SPEN: variants seen among roughly 807,000 people sequenced by gnomAD.
The protein encoded by SPEN is msx2-interacting protein.
A neutral mutation model predicts 269.9 loss-of-function variants in SPEN; 18 were observed. The ratio of observed to expected loss-of-function variants is 0.07; its 90% confidence interval spans 0.05 to 0.10. SPEN has a LOEUF of 0.10. Among genes scored for constraint, SPEN ranks in the 10% least tolerant of loss-of-function variants. The pLI is 1.00. For synonymous variants in SPEN, 1,726 were observed against 1,765.7 expected, an observed-to-expected ratio of 0.98 and a Z score of 0.56; for missense variants, 3,822 against 4,631.2, an observed-to-expected ratio of 0.83 and a Z score of 5.07.
chr1:15,903,111 G>A (rs548972368), intron 3 of SPEN, among the ~76,000 whole-genome samples: 1 of 152,270 alleles, frequency 6.6e-6, no homozygotes, highest in East Asian at 1.9e-4. Context: ...CAGTGCCTTG[G>A]CATTTTCAGT....
At chr1:15,921,551 A>T (rs1305844478) in intron 9 of SPEN, among the ~76,000 whole-genome samples, 1 of 152,178 alleles carries the variant, frequency 6.6e-6, no homozygotes, top group Admixed American at 6.5e-5. Context: ...TCGGGTGCTG[A>T]TGCTCACACA....
rs1392141313 is a variant in SPEN at position 15,933,495 on chromosome 1, G to A, written c.7255G>A (p.Glu2419Lys). ...ENSSQEISVE[E>K]RTPTKASVPP... ...TTCGTCCCAAGAAATCAGTGTTGAG[G>A]AAAGGACTCCAACCAAAGCATCTGT... is the stretch of plus-strand genomic sequence containing the variant. The change falls in exon 11 of 15, where the codon GAA becomes AAA. Residue 2419 changes from glutamate (E) to lysine (K), a missense_variant. Physicochemically the swap from Glu to Lys is moderately conservative, Grantham distance 56. Transcript: ENST00000375759. The surrounding 1 kb of genome is among the most constrained non-coding windows in gnomAD (Gnocchi z 5.7). The A allele has an allele frequency of 1.2e-6, 2 of 1,614,018 alleles. No individual in the cohort carries two copies. Among genetic ancestry groups the A allele is most frequent in the East Asian group, 2.2e-5 (1 of 44,870 alleles).
At chr1:15,914,072 T>C (rs911546135) in intron 5 of SPEN, among the ~76,000 whole-genome samples, 2 of 152,236 alleles carry the variant, frequency 1.3e-5, no homozygotes, top group Non-Finnish European at 2.9e-5. Flanking sequence ...AAATGAGATA[T>C]GTTCCTTTGA....
Position 15,930,782 on chromosome 1 carries a change from C to T in SPEN, c.4542C>T (p.Asp1514=). Residue 1514 remains aspartate (D), a synonymous_variant, in exon 11 of 15, where the codon GAC becomes GAT. Transcript: ENST00000375759. This position sits in a 1 kb window ranked among gnomAD's most constrained non-coding sequence, Gnocchi z 5.3. Reference sequence around the variant, plus strand: ...GGAAAATGGATGATAAGAAAGAGGACCATAAAGAAGAAGAGCAAGAGAGGC... The same window carrying T: ...GGAAAATGGATGATAAGAAAGAGGATCATAAAGAAGAAGAGCAAGAGAGGC... ...SEGKMDDKKE[D]HKEEEQERQE... The T allele has an allele frequency of 2.5e-6, 4 of 1,614,046 alleles. No homozygotes were observed. Among genetic ancestry groups the T allele is most frequent in the Non-Finnish European group, 3.4e-6 (4 of 1,180,010 alleles).
In SPEN at chr1:15,939,602, G is replaced by A; in HGVS notation, c.*175G>A. 1 of 670,096 alleles carries A rather than the reference G, an allele frequency of 1.5e-6. No homozygotes were observed. Among genetic ancestry groups the A allele is most frequent in the Non-Finnish European group, 2.3e-6 (1 of 430,530 alleles). 41.5% of individuals were successfully genotyped at this position (670,096 alleles called of 1,614,324 possible). ...GTCGGCCAGACTTCCTCTAGGAGTG[G>A]TGCTGCTACCTTGTATGTTTACATA... is the stretch of plus-strand genomic sequence containing the variant. On this transcript the variant is annotated 3_prime_UTR_variant, in exon 15 of 15. Coordinates refer to ENST00000375759, the MANE Select transcript of SPEN (RefSeq NM_015001.3). The surrounding 1 kb of genome is among the most constrained non-coding windows in gnomAD (Gnocchi z 4.1).
Position 15,876,487 on chromosome 1 carries a change from C to T in SPEN, c.690C>T (p.Gly230=). 6.2e-7 allele frequency: 1 copy of T among 1,614,086 alleles called. No individual in the cohort carries two copies. The highest frequency in any genetic ancestry group is 1.1e-5 in the South Asian group (1 of 91,064). Residue 230 remains glycine, a synonymous_variant, in exon 3 of 15, where the codon GGC becomes GGT. Transcript: ENST00000375759. ...YRDDITREVR[G]RRPERNYQHS... is the part of the protein sequence containing the mutation. ...ATGATATTACCCGGGAGGTACGAGG[C>T]AGAAGGCCAGAGCGGAATTACCAGC... is the stretch of plus-strand genomic sequence containing the variant.
intron 1 of SPEN, among the ~76,000 whole-genome samples, chr1:15,860,559 T>G (rs570237245): frequency 1.1e-4 from 16 of 151,504 alleles, no homozygotes; most frequent in African/African-American, 3.6e-4. Context: ...CCCGAAGTGC[T>G]GGGATTACAG....
In SPEN at chr1:15,931,283, A is replaced by G. The variant is rs2148739898; in HGVS notation, c.5043A>G (p.Glu1681=). 6.2e-7 allele frequency: 1 copy of G among 1,614,204 alleles called. No homozygotes were observed. The highest frequency in any genetic ancestry group is 1.3e-5 in the African/African-American group (1 of 75,038). Residue 1681 remains glutamate (E), a synonymous_variant, in exon 11 of 15, where the codon GAA becomes GAG. Transcript: ENST00000375759. The surrounding 1 kb of genome is among the most constrained non-coding windows in gnomAD (Gnocchi z 4.8). ...CTGTGGAGCCAGCTACCGTCTCAGA[A>G]GAAGCAAAGCCTGCATCTGAACCTG... ...EKTVEPATVS[E]EAKPASEPAP... is the part of the protein sequence containing the mutation.
At chr1:15,883,122 T>C (rs2070703264) in intron 3 of SPEN, among the ~76,000 whole-genome samples, 1 of 152,240 alleles carries the variant, frequency 6.6e-6, no homozygotes, top group African/African-American at 2.4e-5. Flanking sequence ...AAAAAATGTA[T>C]TTCTCACATT....
intron 3 of SPEN, among the ~76,000 whole-genome samples, chr1:15,882,211 A>T (rs904562039): frequency 6.6e-6 from 1 of 152,144 alleles, no homozygotes; most frequent in Non-Finnish European, 1.5e-5. Context: ...TTTCTCTGTC[A>T]TGGCCGTTTA....
chr1:15,859,358 C>CTTTTTTTTTTTTTTTTTT (rs143092339), intron 1 of SPEN, among the ~76,000 whole-genome samples: 3 of 115,590 alleles, frequency 2.6e-5, no homozygotes, highest in Non-Finnish European at 3.4e-5. Flanking sequence ...TTTTTCTTTT[C>CTTTTTTTTTTTTTTTTTT]TTTTTTTTTT....
chr1:15,922,233 C>T lies in SPEN; in HGVS notation c.1750-16C>T, dbSNP rs747390250. On this transcript the variant is annotated splice_polypyrimidine_tract_variant and intron_variant, in intron 9 of 14. Transcript: ENST00000375759. The stretch of plus-strand genomic sequence containing the variant: ...AATTTGAAACTTGCATCAAACACCT[C>T]TTTTTTTTTTTAAAGGTGGATTTTG... 5.3e-5 allele frequency: 64 copies of T among 1,203,068 alleles called. No homozygotes were observed. Among genetic ancestry groups the T allele is most frequent in the Admixed American group, 2.1e-4 (9 of 42,728 alleles). The allele number at this position is 1,203,068 out of a possible 1,614,324, so 74.5% of individuals were successfully genotyped here. A position where few individuals can be genotyped will look rare whatever the true frequency, so the allele number is the denominator to read the frequency against.
intron 10 of SPEN, among the ~76,000 whole-genome samples, chr1:15,922,692 G>A (rs569899620): frequency 1.3e-5 from 2 of 152,112 alleles, no homozygotes; most frequent in Admixed American, 1.3e-4. Flanking sequence ...GCATGATCAT[G>A]GCTCACTGCA....
chr1:15,922,015 C>T (rs750859675), intron 9 of SPEN, among the ~76,000 whole-genome samples: 57 of 152,300 alleles, frequency 3.7e-4, no homozygotes, highest in Non-Finnish European at 6.5e-4. Flanking sequence ...TTCACTCCTT[C>T]ACAATTGGGT....
In SPEN at chr1:15,939,993, T is replaced by A. The variant is rs1004104720; in HGVS notation, c.*566T>A. 4 of 231,642 alleles carry A rather than the reference T, an allele frequency of 1.7e-5. No homozygotes were observed. In the Admixed American group the frequency reaches 2.3e-4, roughly 13 times the overall value. 14.3% of individuals were successfully genotyped at this position (231,642 alleles called of 1,614,324 possible). A position where few individuals can be genotyped will look rare whatever the true frequency, so the allele number is the denominator to read the frequency against. On this transcript the variant is annotated 3_prime_UTR_variant, in exon 15 of 15. Transcript: ENST00000375759. This position sits in a 1 kb window ranked among gnomAD's most constrained non-coding sequence, Gnocchi z 4.1. The stretch of plus-strand genomic sequence containing the variant: ...GGATGCGTCACCTTAATTCTCCTGC[T>A]GCCACCGTCTTTGATTCACCGGGAT...
At chr1:15,856,397 T>G (rs960190608) in intron 1 of SPEN, among the ~76,000 whole-genome samples, 1 of 152,088 alleles carries the variant, frequency 6.6e-6, no homozygotes. Context: ...TACTGGGATC[T>G]AATATTTCCT....
intron 1 of SPEN, among the ~76,000 whole-genome samples, chr1:15,862,403 G>T (rs1043485228): frequency 4.6e-5 from 7 of 152,124 alleles, no homozygotes; most frequent in Non-Finnish European, 1.0e-4. Flanking sequence ...AATGGTCATC[G>T]TGATTATTTA....
At chr1:15,895,429 T>C (rs1210539123) in intron 3 of SPEN, among the ~76,000 whole-genome samples, 1 of 152,186 alleles carries the variant, frequency 6.6e-6, no homozygotes, top group Non-Finnish European at 1.5e-5. Flanking sequence ...ATTTGTCCTT[T>C]TGTGTCTGGC....
Position 15,939,450 on chromosome 1 carries a change from A to G in SPEN, c.*23A>G. 1 of 1,559,644 alleles carries G rather than the reference A, an allele frequency of 6.4e-7. No individual in the cohort carries two copies. Among genetic ancestry groups the G allele is most frequent in the Non-Finnish European group, 8.7e-7 (1 of 1,152,540 alleles). On this transcript the variant is annotated 3_prime_UTR_variant, in exon 15 of 15. Transcript: ENST00000375759. This position sits in a 1 kb window ranked among gnomAD's most constrained non-coding sequence, Gnocchi z 4.1. ...TGAGCCACTGAGTGGTTATCACCTC[A>G]GTGAATCTTCCCAGGGCTCTGCAGT...
Sources: gnomAD v4.1 joint callset for allele counts (sites outside exome capture counted in the v4.1 genomes callset) on GRCh38, gnomAD v4.1.1 for gene constraint, Gnocchi (gnomAD v3.1) non-coding constraint, MANE v1.5 for transcripts, NCBI Gene and HGNC (gene_info 2026-07-23, HGNC 2026-07-21) for gene names.